NDUFAF6: variants seen among roughly 807,000 people sequenced by gnomAD.
NDUFAF6 encodes NADH dehydrogenase (ubiquinone) complex I, assembly factor 6.
NDUFAF6 carries 45 observed loss-of-function variants against 40.8 expected under a neutral mutation model. That is an observed-to-expected ratio of 1.10 (90% CI 0.87 to 1.42). The LOEUF (loss-of-function observed/expected upper bound fraction) is 1.42, where lower values mean the gene tolerates loss of function less well. Among genes scored for constraint, NDUFAF6 ranks in the 40% most tolerant of loss-of-function variants. The probability of loss-of-function intolerance (pLI) is 0.00; values close to 1 mark genes in which losing one functional copy is unlikely to be tolerated. For missense variants in NDUFAF6, 435 were observed against 418.5 expected (o/e 1.04, Z -0.34); for synonymous variants, 185 against 155.9 (o/e 1.19, Z -1.39).
chr8:95,048,253 T>C (rs1274347255), intron 6 of NDUFAF6, among the ~76,000 whole-genome samples: 2 of 152,102 alleles, frequency 1.3e-5, no homozygotes, highest in Non-Finnish European at 2.9e-5. Flanking sequence ...TGTTTTTTTT[T>C]CTCTCTCTCC....
intron 1 of NDUFAF6, among the ~76,000 whole-genome samples, chr8:94,921,324 C>G (rs988732608): frequency 2.6e-5 from 4 of 152,192 alleles, no homozygotes; most frequent in South Asian, 2.1e-4. Context: ...TCTCGGCAGT[C>G]CCAGAAAGCC....
At chr8:94,964,924 T>C (rs1823888759) in intron 1 of NDUFAF6, among the ~76,000 whole-genome samples, 1 of 152,246 alleles carries the variant, frequency 6.6e-6, no homozygotes, top group Non-Finnish European at 1.5e-5. Flanking sequence ...TCCCTGCCAC[T>C]GATGGGCGCC....
intron 1 of NDUFAF6, among the ~76,000 whole-genome samples, chr8:94,919,732 C>A (rs892991418): frequency 1.3e-5 from 2 of 152,192 alleles, no homozygotes; most frequent in Admixed American, 6.5e-5. Flanking sequence ...AGGTCAATAT[C>A]CTGCATCTGT....
At chr8:95,070,892 C>T (rs754043042) in intron 9 of NDUFAF6, among the ~76,000 whole-genome samples, 1 of 152,078 alleles carries the variant, frequency 6.6e-6, no homozygotes, top group Non-Finnish European at 1.5e-5. Context: ...ATTCCCCTCC[C>T]CTCCCCGAGT....
upstream of NDUFAF6, among the ~76,000 whole-genome samples, chr8:94,953,892 A>G (rs560824925): frequency 3.3e-5 from 5 of 152,224 alleles, no homozygotes; most frequent in South Asian, 6.2e-4. Flanking sequence ...TTAAATGTCC[A>G]TGTTTCTCAT....
chr8:94,971,996 A>C (rs1393759824), intron 1 of NDUFAF6, among the ~76,000 whole-genome samples: 1 of 152,154 alleles, frequency 6.6e-6, no homozygotes, highest in African/African-American at 2.4e-5. Context: ...TGTAGTTGGT[A>C]GCTGGAAATC....
intron 2 of NDUFAF6, among the ~76,000 whole-genome samples, chr8:95,094,425 T>C (rs1220105007): frequency 2.9e-5 from 4 of 139,770 alleles, no homozygotes; most frequent in African/African-American, 8.0e-5. Flanking sequence ...GGATTTTTTT[T>C]TTTTTGAGAC....
At chr8:95,029,652 C>A (rs577364462) in intron 1 of NDUFAF6, among the ~76,000 whole-genome samples, 3 of 152,228 alleles carry the variant, frequency 2.0e-5, no homozygotes, top group Non-Finnish European at 2.9e-5. Context: ...TGGAACAATT[C>A]CTCACATCTT....
chr8:94,961,793 T>C (rs917617074), intron 1 of NDUFAF6, among the ~76,000 whole-genome samples: 10 of 152,210 alleles, frequency 6.6e-5, no homozygotes, highest in African/African-American at 2.4e-4. Context: ...TAACAAAACT[T>C]GTACCAAGAA....
At chr8:94,960,011 G>C (rs1203385153) in intron 1 of NDUFAF6, among the ~76,000 whole-genome samples, 1 of 152,194 alleles carries the variant, frequency 6.6e-6, no homozygotes, top group East Asian at 1.9e-4. Context: ...GCATGTCCGA[G>C]TCCAGATGTT....
chr8:94,929,934 C>G (rs1372812319), intron 1 of NDUFAF6: 1 of 153,518 alleles, frequency 6.5e-6, no homozygotes, highest in Non-Finnish European at 1.5e-5. Flanking sequence ...CAGAATACAT[C>G]AAGTTTTCTT....
In NDUFAF6 at chr8:95,053,746, C is replaced by T. The variant is rs141225350; in HGVS notation, c.873+1516C>T. 5.4e-3 allele frequency among the ~76,000 whole-genome samples: 822 copies of T among 151,644 alleles called. 10 individuals carry two copies. Among genetic ancestry groups the T allele is most frequent in the African/African-American group, 0.018 (761 of 41,310 alleles). On this transcript the variant is annotated intron_variant, in intron 8 of 8. Coordinates refer to ENST00000396124, the MANE Select transcript of NDUFAF6 (RefSeq NM_152416.4). ...GTTCAAGTGATTCTCAGGCCTCAGT[C>T]TCCTGAGTAGCTGGGATTACAGACA...
chr8:95,067,623 G>A (rs1832734320), intron 9 of NDUFAF6: 1 of 152,144 alleles, frequency 6.6e-6, no homozygotes, highest in Admixed American at 6.5e-5. Flanking sequence ...GCTGGGCAGG[G>A]TGGCAGTTCT....
chr8:95,019,979 G>A (rs540534934), intron 2 of NDUFAF6, among the ~76,000 whole-genome samples: 93 of 152,172 alleles, frequency 6.1e-4, no homozygotes, highest in South Asian at 8.3e-4. Context: ...CAGGCAGATC[G>A]CCTGAGGTCA....
At chr8:94,969,867 A>C (rs1248542176) in intron 1 of NDUFAF6, among the ~76,000 whole-genome samples, 1 of 152,232 alleles carries the variant, frequency 6.6e-6, no homozygotes, top group African/African-American at 2.4e-5. Context: ...AAATCGACAA[A>C]GGACATGAAC....
Position 94,913,462 on chromosome 8 carries a change from C to G in NDUFAF6, c.-936+17535C>G, listed in dbSNP as rs529157334. 1.9e-4 allele frequency among the ~76,000 whole-genome samples: 29 copies of G among 152,234 alleles called. 1 individual carries two copies. The highest frequency in any genetic ancestry group is 9.8e-4 in the Admixed American group (15 of 15,294). The stretch of plus-strand genomic sequence containing the variant: ...TTGTTCCACCCATGTTTATAATTTC[C>G]TCTTCATCATCACTATAACCCTCAT... On this transcript the variant is annotated intron_variant, in intron 1 of 14. Transcript: ENST00000396113.
intron 2 of NDUFAF6, among the ~76,000 whole-genome samples, chr8:94,992,278 A>G (rs1181376863): frequency 2.0e-5 from 3 of 152,154 alleles, no homozygotes; most frequent in Non-Finnish European, 2.9e-5. Context: ...ACCTGAGGTC[A>G]GAGTTTGAGA....
chr8:94,914,393 T>C (rs761072028), intron 1 of NDUFAF6, among the ~76,000 whole-genome samples: 16 of 152,256 alleles, frequency 1.1e-4, no homozygotes, highest in African/African-American at 3.9e-4. Context: ...TGGTTACTCA[T>C]GTTTTGTTTG....
intron 4 of NDUFAF6, among the ~76,000 whole-genome samples, chr8:95,113,858 G>A (rs952535135): frequency 1.3e-5 from 2 of 152,054 alleles, no homozygotes; most frequent in Non-Finnish European, 2.9e-5. Flanking sequence ...AATTTGTAGG[G>A]ACATGGATGA....
Sources: gnomAD v4.1 joint callset for allele counts (sites outside exome capture counted in the v4.1 genomes callset) on GRCh38, gnomAD v4.1.1 for gene constraint, MANE v1.5 for transcripts, NCBI Gene and HGNC (gene_info 2026-07-23, HGNC 2026-07-21) for gene names.